The following ZFHX3 variants were observed in gnomAD, a reference collection of about 807,000 sequenced individuals.
The protein encoded by ZFHX3 is zinc finger homeobox protein 3.
Under a neutral mutation model 279.1 loss-of-function variants are expected in ZFHX3, and 42 were observed. The ratio of observed to expected loss-of-function variants is 0.15; its 90% confidence interval spans 0.12 to 0.19. ZFHX3 has a LOEUF of 0.19. ZFHX3 is among the 10% of genes least tolerant of loss of function. The probability of loss-of-function intolerance (pLI) is 1.00; values close to 1 mark genes in which losing one functional copy is unlikely to be tolerated. For missense variants in ZFHX3, 4,981 were observed against 4,754.0 expected, an observed-to-expected ratio of 1.05 and a Z score of -1.40; for synonymous variants, 2,293 against 1,957.8, an observed-to-expected ratio of 1.17 and a Z score of -4.52.
At chr16:73,483,048 T>C (rs1991047) in intron 2 of ZFHX3, among the ~76,000 whole-genome samples, 152,064 of 152,336 alleles carry the variant, frequency 1, 75,897 homozygotes, top group East Asian at 1. Context: ...TTTCCTCCGC[T>C]CCCTCTTCCC....
chr16:73,863,744 G>T lies in ZFHX3; in HGVS notation c.-1608+27907C>A, dbSNP rs568877807. Among the ~76,000 whole-genome samples the T allele has an allele frequency of 2.0e-5, 3 of 152,156 alleles. No individual in the cohort carries two copies. The South Asian group carries it at 6.2e-4, about 32-fold the overall frequency. ...AATTTTTATGCCTTCTTTATGTCTT[G>T]CAAAGCATCTAGCGAAGTGTATTGT... On this transcript the variant is annotated intron_variant, in intron 1 of 17. Coordinates refer to the ZFHX3 transcript ENST00000641206.
At chr16:73,839,764 C>T (rs1961251053) in intron 1 of ZFHX3, among the ~76,000 whole-genome samples, 1 of 152,328 alleles carries the variant, frequency 6.6e-6, no homozygotes, top group South Asian at 2.1e-4. Flanking sequence ...GCGGGCTAGT[C>T]CTAAGGGGAC....
Position 73,380,539 on chromosome 16 carries a change from T to C in ZFHX3, c.-1290-62203A>G, listed in dbSNP as rs564424620. Among the ~76,000 whole-genome samples the C allele has an allele frequency of 7.2e-5, 11 of 152,314 alleles. No homozygotes were observed. The South Asian group carries it at 2.3e-3, about 32-fold the overall frequency. The stretch of plus-strand genomic sequence containing the variant: ...AGCCCAAGAGACTCTAATGAAACAC[T>C]AGTCAAATAAATTAGACAACTTAGT... On this transcript the variant is annotated intron_variant, in intron 3 of 17. Coordinates refer to the ZFHX3 transcript ENST00000641206.
chr16:73,838,283 T>C (rs1961198960), intron 1 of ZFHX3, among the ~76,000 whole-genome samples: 1 of 152,232 alleles, frequency 6.6e-6, no homozygotes, highest in African/African-American at 2.4e-5. Context: ...TAACTTTGTT[T>C]TGGACTTTTG....
intron 2 of ZFHX3, among the ~76,000 whole-genome samples, chr16:73,647,482 T>C (rs1294172652): frequency 6.6e-6 from 1 of 152,092 alleles, no homozygotes; most frequent in Non-Finnish European, 1.5e-5. Context: ...ACTCCCTCTC[T>C]CCTACTGCCA....
intron 4 of ZFHX3, among the ~76,000 whole-genome samples, chr16:73,276,686 G>A (rs551216316): frequency 3.2e-4 from 48 of 152,136 alleles, no homozygotes; most frequent in Non-Finnish European, 6.3e-4. Context: ...GATCTTAAAT[G>A]TGAAATCTTG....
chr16:73,526,102 C>T (rs183575797), intron 2 of ZFHX3, among the ~76,000 whole-genome samples: 317 of 152,344 alleles, frequency 2.1e-3, no homozygotes, highest in Admixed American at 5.4e-3. Context: ...ACAATCCATT[C>T]TTGGCCAGGA....
rs574497036 is a variant in ZFHX3, at chr16:73,059,465, G to T, written c.-959C>A. ...GGAACCTGGCTAAGAATCTTTTTAA[G>T]ATTTTTTTTTTCCTTTCTTCTTCCC... On this transcript the variant is annotated 5_prime_UTR_variant, in exon 1 of 9. Transcript: ENST00000397992. The T allele has an allele frequency of 2.1e-5, 3 of 143,052 alleles. No homozygotes were observed. In the East Asian group the frequency reaches 6.5e-4, roughly 31 times the overall value. 8.9% of individuals were successfully genotyped at this position (143,052 alleles called of 1,614,324 possible). A position where few individuals can be genotyped will look rare whatever the true frequency, so the allele number is the denominator to read the frequency against.
intron 9 of ZFHX3, chr16:72,791,763 A>G (rs2035712470): frequency 6.6e-6 from 1 of 152,180 alleles, no homozygotes; most frequent in African/African-American, 2.4e-5. Context: ...TTTCTGTGAC[A>G]TGACTTGTCA....
intron 2 of ZFHX3, among the ~76,000 whole-genome samples, chr16:73,522,339 G>C (rs966753541): frequency 6.6e-5 from 10 of 152,160 alleles, no homozygotes; most frequent in African/African-American, 2.4e-4. Context: ...TGGTCTTCTT[G>C]TTCAGGAAAC....
intron 2 of ZFHX3, among the ~76,000 whole-genome samples, chr16:72,955,994 G>A (rs939769864): frequency 2.0e-5 from 3 of 152,088 alleles, no homozygotes; most frequent in African/African-American, 7.2e-5. Flanking sequence ...CAAATAAGAC[G>A]ACCAGTGCTT....
intron 1 of ZFHX3, among the ~76,000 whole-genome samples, chr16:72,969,981 C>A (rs936503157): frequency 6.6e-6 from 1 of 152,196 alleles, no homozygotes; most frequent in Non-Finnish European, 1.5e-5. Context: ...AGAGAATCGC[C>A]CAGGCCGTGG....
At chr16:72,872,492 G>T (rs1481407080) in intron 4 of ZFHX3, among the ~76,000 whole-genome samples, 7 of 152,172 alleles carry the variant, frequency 4.6e-5, no homozygotes, top group South Asian at 2.1e-4. Flanking sequence ...GAGTCTCACT[G>T]TGTCATCCAG....
At chr16:73,098,319 C>T (rs941244768) in intron 7 of ZFHX3, among the ~76,000 whole-genome samples, 1 of 152,104 alleles carries the variant, frequency 6.6e-6, no homozygotes, top group Non-Finnish European at 1.5e-5. Context: ...CCACCCGTCA[C>T]AGCCTTCCAA....
chr16:73,218,567 G>C (rs1010708069), intron 5 of ZFHX3, among the ~76,000 whole-genome samples: 1 of 152,118 alleles, frequency 6.6e-6, no homozygotes, highest in Admixed American at 6.5e-5. Context: ...TCAAGAGTTC[G>C]AGACCAGCCT....
intron 1 of ZFHX3, among the ~76,000 whole-genome samples, chr16:73,022,867 C>T (rs1964353967): frequency 6.6e-6 from 1 of 152,078 alleles, no homozygotes; most frequent in Non-Finnish European, 1.5e-5. Flanking sequence ...ATGGCCAAAT[C>T]CCCCGATTTT....
chr16:72,850,901 T>G, intron 4 of ZFHX3, among the ~76,000 whole-genome samples: 1 of 148,898 alleles, frequency 6.7e-6, no homozygotes, highest in African/African-American at 2.5e-5. Flanking sequence ...GGGGAGGGGG[T>G]GCAAGCAACG....
At chr16:72,858,663 A>G (rs916194242) in intron 4 of ZFHX3, among the ~76,000 whole-genome samples, 1 of 152,234 alleles carries the variant, frequency 6.6e-6, no homozygotes, top group Admixed American at 6.5e-5. Context: ...TTATGCCTGC[A>G]TGATTACCCC....
intron 5 of ZFHX3, among the ~76,000 whole-genome samples, chr16:73,179,116 T>G (rs1967732324): frequency 6.6e-6 from 1 of 152,202 alleles, no homozygotes; most frequent in African/African-American, 2.4e-5. Flanking sequence ...TTCTAATATA[T>G]TCTCACCAAA....
Sources: gnomAD v4.1 joint callset for allele counts (sites outside exome capture counted in the v4.1 genomes callset) on GRCh38, gnomAD v4.1.1 for gene constraint, MANE v1.5 for transcripts, NCBI Gene and HGNC (gene_info 2026-07-23, HGNC 2026-07-21) for gene names.